The following CPNE4 variants were observed in gnomAD, a reference collection of about 807,000 sequenced individuals.
CPNE4 encodes copine 4.
A neutral mutation model predicts 67.9 loss-of-function variants in CPNE4; 25 were observed. The observed-to-expected ratio is 0.37, with a 90% CI of 0.27 to 0.51. The LOEUF is 0.51. Ranked by LOEUF, CPNE4 falls within the 20% of genes least tolerant of loss-of-function variation. The probability of loss-of-function intolerance (pLI) is 0.93; values close to 1 mark genes in which losing one functional copy is unlikely to be tolerated. For missense variants in CPNE4, 464 were observed against 690.8 expected (o/e 0.67, Z 3.68); for synonymous variants, 242 against 244.9 (o/e 0.99, Z 0.11).
chr3:131,913,162 A>G (rs1187299067), intron 1 of CPNE4, among the ~76,000 whole-genome samples: 1 of 152,134 alleles, frequency 6.6e-6, no homozygotes, highest in Non-Finnish European at 1.5e-5. Context: ...GGCGACCATC[A>G]GGTGATGGTC....
At chr3:132,016,190 A>G (rs1482315428) in intron 1 of CPNE4, among the ~76,000 whole-genome samples, 1 of 152,200 alleles carries the variant, frequency 6.6e-6, no homozygotes, top group East Asian at 1.9e-4. Flanking sequence ...GATTGAACTC[A>G]ATCATACTAG....
chr3:131,972,852 T>C (rs2072541449), intron 1 of CPNE4, among the ~76,000 whole-genome samples: 1 of 152,210 alleles, frequency 6.6e-6, no homozygotes, highest in Admixed American at 6.5e-5. Flanking sequence ...AGTGAACTTA[T>C]CTCAGATCTG....
At chr3:131,892,459 G>C (rs894251377) in intron 2 of CPNE4, among the ~76,000 whole-genome samples, 1 of 152,020 alleles carries the variant, frequency 6.6e-6, no homozygotes, top group African/African-American at 2.4e-5. Context: ...AGAAATAAAA[G>C]AACAATAAGT....
chr3:131,657,181 T>C (rs2079993132), intron 7 of CPNE4, among the ~76,000 whole-genome samples: 1 of 152,236 alleles, frequency 6.6e-6, no homozygotes, highest in African/African-American at 2.4e-5. Context: ...AACTTGTATA[T>C]GATGCAATGA....
At chr3:131,737,572 C>G (rs914705394) in intron 2 of CPNE4, among the ~76,000 whole-genome samples, 1 of 152,076 alleles carries the variant, frequency 6.6e-6, no homozygotes, top group African/African-American at 2.4e-5. Context: ...TTATTGCATG[C>G]CTACATTTTA....
chr3:131,852,504 A>G (rs967962462), intron 2 of CPNE4, among the ~76,000 whole-genome samples: 3 of 152,020 alleles, frequency 2.0e-5, no homozygotes, highest in African/African-American at 7.2e-5. Context: ...ATATTGGAAA[A>G]TAAAACTTCC....
At chr3:131,772,704 C>T (rs1176956045) in intron 2 of CPNE4, among the ~76,000 whole-genome samples, 1 of 152,126 alleles carries the variant, frequency 6.6e-6, no homozygotes, top group Non-Finnish European at 1.5e-5. Context: ...CCCCAGATCT[C>T]ACAGCATGTC....
intron 2 of CPNE4, among the ~76,000 whole-genome samples, chr3:131,833,928 G>A (rs1409902099): frequency 6.6e-6 from 1 of 152,166 alleles, no homozygotes; most frequent in African/African-American, 2.4e-5. Context: ...ACAAAAGCCA[G>A]AGCAATTGAG....
At chr3:131,539,953 AG>A (rs1482564817) in intron 15 of CPNE4, among the ~76,000 whole-genome samples, 2 of 152,188 alleles carry the variant, frequency 1.3e-5, no homozygotes, top group Non-Finnish European at 2.9e-5. Flanking sequence ...AGCCTGCTCT[AG>A]CTCATCCGTC....
chr3:131,760,965 T>A (rs1263380419), intron 2 of CPNE4, among the ~76,000 whole-genome samples: 1 of 152,060 alleles, frequency 6.6e-6, no homozygotes, highest in East Asian at 1.9e-4. Flanking sequence ...AGCGGCTGGA[T>A]AAAGAATTCC....
At chr3:131,800,102 CATA>C (rs561306933) in intron 2 of CPNE4, among the ~76,000 whole-genome samples, 190 of 152,138 alleles carry the variant, frequency 1.2e-3, no homozygotes, top group African/African-American at 3.7e-3. Context: ...AAGTAATGAA[CATA>C]ATACCAGATA....
At chr3:131,673,103 C>T (rs748092618) in intron 6 of CPNE4, among the ~76,000 whole-genome samples, 2 of 152,092 alleles carry the variant, frequency 1.3e-5, no homozygotes, top group Non-Finnish European at 2.9e-5. Context: ...ACTATCCTTT[C>T]CATAATGTCT....
intron 7 of CPNE4, among the ~76,000 whole-genome samples, chr3:131,598,360 C>T (rs892704209): frequency 1.3e-5 from 2 of 152,196 alleles, no homozygotes; most frequent in African/African-American, 4.8e-5. Context: ...CTTTTTCAAT[C>T]TTTGTTCCAA....
intron 2 of CPNE4, among the ~76,000 whole-genome samples, chr3:131,797,652 G>C (rs2083954127): frequency 6.6e-6 from 1 of 152,106 alleles, no homozygotes; most frequent in African/African-American, 2.4e-5. Flanking sequence ...CACAAGGCTG[G>C]GTTAAGTATT....
Position 131,870,681 on chromosome 3 carries a change from T to A in CPNE4, c.180+34583A>T, listed in dbSNP as rs376340873. Among the ~76,000 whole-genome samples, 5 of 152,304 alleles carry A rather than the reference T, an allele frequency of 3.3e-5. 1 individual carries two copies. The highest frequency in any genetic ancestry group is 1.2e-4 in the African/African-American group (5 of 41,586). On this transcript the variant is annotated intron_variant, in intron 2 of 15. Transcript: ENST00000429747. The stretch of plus-strand genomic sequence containing the variant: ...GCCAACTTCCAAACTTCATTAGTTT[T>A]GTTGGGACATATTGTTCCCCCGAAA...
intron 1 of CPNE4, among the ~76,000 whole-genome samples, chr3:132,001,550 A>AAAG (rs1560765334): frequency 2.0e-4 from 25 of 127,802 alleles, no homozygotes; most frequent in African/African-American, 6.3e-4. Flanking sequence ...GACAAAGAAA[A>AAAG]AAGAGAAAGA....
chr3:131,542,831 A>C (rs1283546674), intron 14 of CPNE4, 38 bp from the exon 15 acceptor site: 1 of 1,431,608 alleles, frequency 7.0e-7, no homozygotes, highest in Admixed American at 1.7e-5. Flanking sequence ...GGGGGGGTGA[A>C]GAGGTGAGGG....
chr3:131,827,429 G>C (rs2085206717), intron 2 of CPNE4, among the ~76,000 whole-genome samples: 1 of 152,050 alleles, frequency 6.6e-6, no homozygotes, highest in African/African-American at 2.4e-5. Context: ...CACCTGCAGT[G>C]GTAGCCTCTT....
intron 1 of CPNE4, among the ~76,000 whole-genome samples, chr3:131,922,554 A>T (rs1358606303): frequency 6.6e-6 from 1 of 152,344 alleles, no homozygotes; most frequent in African/African-American, 2.4e-5. Context: ...AATGGTGAAA[A>T]CATGGAAACA....
Sources: gnomAD v4.1 joint callset for allele counts (sites outside exome capture counted in the v4.1 genomes callset) on GRCh38, gnomAD v4.1.1 for gene constraint, MANE v1.5 for transcripts, NCBI Gene and HGNC (gene_info 2026-07-23, HGNC 2026-07-21) for gene names.